Variants in FRMPD4 observed in about 807,000 individuals in gnomAD.
The protein encoded by FRMPD4 is FERM and PDZ domain containing 4, also known as FERM and PDZ domain-containing protein 4.
Under a neutral mutation model 94.1 loss-of-function variants are expected in FRMPD4, and 22 were observed. The observed-to-expected ratio is 0.23, with a 90% CI of 0.17 to 0.33. The LOEUF (loss-of-function observed/expected upper bound fraction) is 0.33. Among genes scored for constraint, FRMPD4 ranks in the 10% least tolerant of loss-of-function variants. FRMPD4 has a pLI of 1.00. For synonymous variants in FRMPD4, 631 were observed against 548.6 expected (o/e 1.15, Z -2.10); for missense variants, 1,111 against 1,339.9 (o/e 0.83, Z 2.67).
intron 3 of FRMPD4, among the ~76,000 whole-genome samples, chrX:11,914,282 C>CTT (rs1184115335): frequency 1.1e-5 from 1 of 91,384 alleles, no homozygotes; most frequent in Non-Finnish European, 2.2e-5. Context: ...AGAAATATGA[C>CTT]TTTTTTTTCT....
intron 1 of FRMPD4, among the ~76,000 whole-genome samples, chrX:11,830,643 A>G (rs1303485899): frequency 8.9e-6 from 1 of 112,317 alleles, no homozygotes; most frequent in Non-Finnish European, 1.9e-5. Flanking sequence ...TTTTTAAAAA[A>G]GCTTGTATGC....
chrX:12,073,910 T>C (rs1601919242), intron 3 of FRMPD4, among the ~76,000 whole-genome samples: 1 of 111,811 alleles, frequency 8.9e-6, no homozygotes, highest in South Asian at 3.7e-4. Context: ...AAACTAGCAC[T>C]TTCATCTTTC....
chrX:12,664,337 T>A (rs1569396842), intron 4 of FRMPD4, among the ~76,000 whole-genome samples: 1 of 111,753 alleles, frequency 8.9e-6, no homozygotes, highest in Admixed American at 9.5e-5. Flanking sequence ...CTGGCTGTGG[T>A]TTTTTCATAA....
At chrX:11,866,402 G>C (rs2053718857) in intron 2 of FRMPD4, among the ~76,000 whole-genome samples, 2 of 111,470 alleles carry the variant, frequency 1.8e-5, no homozygotes, top group African/African-American at 6.5e-5. Flanking sequence ...ATTGGGTTTA[G>C]GCAATAGTAG....
chrX:11,841,997 A>C (rs2053539970), intron 1 of FRMPD4, among the ~76,000 whole-genome samples: 1 of 111,114 alleles, frequency 9.0e-6, no homozygotes, highest in Non-Finnish European at 1.9e-5. Flanking sequence ...CCATTTATTA[A>C]ATAGGGAATC....
rs773941116 is a variant in FRMPD4, at chrX:12,468,658, G to A, written c.42-30022G>A. 5.4e-5 allele frequency among the ~76,000 whole-genome samples: 6 copies of A among 111,698 alleles called. No individual in the cohort carries two copies. In the South Asian group the frequency reaches 2.2e-3, roughly 42 times the overall value. On this transcript the variant is annotated intron_variant, in intron 1 of 16. Coordinates refer to ENST00000675598, the MANE Select transcript of FRMPD4 (RefSeq NM_001368397.1). ...CATAATTTGAGGTTTACAAGCAACA[G>A]ATATACCCAAAAGGGGACCCAAGTA...
chrX:12,549,456 T>G (rs2058511296), intron 2 of FRMPD4, among the ~76,000 whole-genome samples: 1 of 112,814 alleles, frequency 8.9e-6, no homozygotes, highest in African/African-American at 3.2e-5. Flanking sequence ...ATCATAGATC[T>G]TCATTTACAT....
intron 1 of FRMPD4, among the ~76,000 whole-genome samples, chrX:12,380,714 C>T (rs928177624): frequency 9.8e-5 from 11 of 112,131 alleles, no homozygotes; most frequent in African/African-American, 2.9e-4. Context: ...AAGTCAGAAA[C>T]GCCTGTGCTT....
At chrX:12,236,721 TTCTTA>T (rs1265158473) in intron 1 of FRMPD4, among the ~76,000 whole-genome samples, 2 of 111,965 alleles carry the variant, frequency 1.8e-5, no homozygotes, top group African/African-American at 6.5e-5. Flanking sequence ...TGAAGGCCAA[TTCTTA>T]TCTTGTTCGT....
intron 3 of FRMPD4, among the ~76,000 whole-genome samples, chrX:12,107,410 A>G (rs6639145): frequency 0.083 from 9,303 of 111,578 alleles, 905 homozygotes; most frequent in East Asian, 0.59. Flanking sequence ...CGTCACCATC[A>G]TCAAAGACCA....
chrX:11,890,798 T>C (rs1024512673), intron 3 of FRMPD4, among the ~76,000 whole-genome samples: 1 of 112,430 alleles, frequency 8.9e-6, no homozygotes, highest in Admixed American at 9.4e-5. Flanking sequence ...ATGGCAGCGG[T>C]GAAGGAGTCT....
intron 4 of FRMPD4, among the ~76,000 whole-genome samples, 181 bp from the exon 5 acceptor site, chrX:12,674,682 G>A (rs1488361326): frequency 3.6e-5 from 4 of 112,050 alleles, no homozygotes; most frequent in Non-Finnish European, 7.5e-5. Context: ...CTCAGGAAAC[G>A]CTTCATTTTG....
intron 1 of FRMPD4, among the ~76,000 whole-genome samples, chrX:12,241,755 G>C (rs866455003): frequency 9.0e-6 from 1 of 110,749 alleles, no homozygotes; most frequent in South Asian, 3.9e-4. Context: ...TAAAAAATTT[G>C]CCTGGCATGG....
intron 3 of FRMPD4, among the ~76,000 whole-genome samples, chrX:11,898,361 G>C (rs1284652255): frequency 1.8e-5 from 2 of 111,527 alleles, no homozygotes; most frequent in South Asian, 3.7e-4. Context: ...CTCAGGTGCT[G>C]CTTGTAGATG....
chrX:11,922,125 A>G (rs964555855), intron 3 of FRMPD4, among the ~76,000 whole-genome samples: 1 of 109,980 alleles, frequency 9.1e-6, no homozygotes, highest in Non-Finnish European at 1.9e-5. Flanking sequence ...ACTGCTATAA[A>G]GAAACATCTG....
chrX:11,957,484 G>A (rs1433933576), intron 3 of FRMPD4, among the ~76,000 whole-genome samples: 1 of 109,256 alleles, frequency 9.2e-6, no homozygotes. Flanking sequence ...AGGATCCTTA[G>A]AGCCCTGGAG....
At chrX:12,133,128 C>A (rs1486195249) in intron 3 of FRMPD4, among the ~76,000 whole-genome samples, 1 of 111,516 alleles carries the variant, frequency 9.0e-6, no homozygotes, top group Non-Finnish European at 1.9e-5. Context: ...GCTTTCAGAG[C>A]AGTGGAGTTC....
intron 1 of FRMPD4, among the ~76,000 whole-genome samples, chrX:11,835,983 A>G (rs182224201): frequency 8.9e-6 from 1 of 112,112 alleles, no homozygotes; most frequent in Non-Finnish European, 1.9e-5. Flanking sequence ...ATTATGATAG[A>G]AACTTTGGAC....
chrX:12,479,099 A>C (rs2057640444), intron 1 of FRMPD4, among the ~76,000 whole-genome samples: 1 of 111,325 alleles, frequency 9.0e-6, no homozygotes, highest in Admixed American at 9.7e-5. Context: ...CCAATAAAGC[A>C]TATGAAACAG....
Sources: gnomAD v4.1 joint callset for allele counts (sites outside exome capture counted in the v4.1 genomes callset) on GRCh38, gnomAD v4.1.1 for gene constraint, MANE v1.5 for transcripts, NCBI Gene and HGNC (gene_info 2026-07-23, HGNC 2026-07-21) for gene names.